ARID1B: variants seen among roughly 807,000 people sequenced by gnomAD.
ARID1B encodes AT-rich interaction domain 1B.
A neutral mutation model predicts 212.3 loss-of-function variants in ARID1B; 30 were observed. The observed-to-expected ratio is 0.14, with a 90% CI of 0.11 to 0.19. The LOEUF is 0.19. Among genes scored for constraint, ARID1B ranks in the 10% least tolerant of loss-of-function variants. The probability of loss-of-function intolerance (pLI) is 1.00; values close to 1 mark genes in which losing one functional copy is unlikely to be tolerated. For synonymous variants in ARID1B, 1,402 were observed against 1,301.7 expected (o/e 1.08, Z -1.66); for missense variants, 2,891 against 3,204.0 (o/e 0.90, Z 2.36).
At chr6:157,049,305 C>T (rs924601749) in intron 4 of ARID1B, among the ~76,000 whole-genome samples, 2 of 152,140 alleles carry the variant, frequency 1.3e-5, no homozygotes, top group African/African-American at 4.8e-5. Flanking sequence ...GGCCAGAGTG[C>T]TCCTCAAGTG....
rs2114972642 is a variant in ARID1B, at chr6:156,778,382, C to T, written c.702C>T (p.Gly234=). Residue 234 remains glycine, a synonymous_variant, in exon 1 of 20, where the codon GGC becomes GGT. Coordinates refer to ENST00000636930, the MANE Select transcript of ARID1B (RefSeq NM_001374828.1). The stretch of plus-strand genomic sequence containing the variant: ...CGGGCGGCGGCGCGCCTCAGCCCGG[C>T]CCCGACATGGAGCAGCCGCAACATG... The part of the protein sequence containing the change: ...GGAGGGAPQP[G]PDMEQPQHGG... The T allele has an allele frequency of 2.0e-6, 3 of 1,537,012 alleles. No individual in the cohort carries two copies. Among genetic ancestry groups the T allele is most frequent in the Non-Finnish European group, 2.6e-6 (3 of 1,145,804 alleles).
At chr6:157,162,733 C>A (rs547723713) in intron 8 of ARID1B, among the ~76,000 whole-genome samples, 2 of 152,326 alleles carry the variant, frequency 1.3e-5, no homozygotes, top group East Asian at 3.9e-4. Context: ...GGGAGCGGTG[C>A]TGTGGTCTAA....
chr6:157,020,524 G>GC lies in ARID1B; in HGVS notation c.2248-64136dup, dbSNP rs752697383. On this transcript the variant is annotated intron_variant, in intron 4 of 19. Coordinates refer to ENST00000636930, the MANE Select transcript of ARID1B (RefSeq NM_001374828.1). ...TAAGGGGTTGTGTTTGAATGCTTTA[G>GC]CCACTAGGCATGTGTTTTTCTTTCT... Among the ~76,000 whole-genome samples, 9 of 152,208 alleles carry GC rather than the reference G, an allele frequency of 5.9e-5. No individual in the cohort carries two copies. In the East Asian group the frequency reaches 1.7e-3, roughly 29 times the overall value.
chr6:157,075,714 A>T (rs757180161), intron 4 of ARID1B, among the ~76,000 whole-genome samples: 4 of 152,246 alleles, frequency 2.6e-5, no homozygotes, highest in Non-Finnish European at 5.9e-5. Context: ...CCTCCCCGCT[A>T]TGGTACGATA....
At chr6:156,806,361 G>C (rs968868170) in intron 1 of ARID1B, among the ~76,000 whole-genome samples, 14 of 152,182 alleles carry the variant, frequency 9.2e-5, no homozygotes, top group Non-Finnish European at 1.8e-4. Flanking sequence ...TCTACCTCTG[G>C]CTTTCAGAAC....
At chr6:156,896,832 T>G (rs1377891346) in intron 2 of ARID1B, among the ~76,000 whole-genome samples, 1 of 151,436 alleles carries the variant, frequency 6.6e-6, no homozygotes, top group Non-Finnish European at 1.5e-5. Flanking sequence ...TGAGCTGAGA[T>G]CGTGCCACTG....
chr6:156,808,205 T>A (rs1781314544), intron 1 of ARID1B, among the ~76,000 whole-genome samples: 1 of 152,196 alleles, frequency 6.6e-6, no homozygotes, highest in Admixed American at 6.5e-5. Context: ...ATCAGCTGGA[T>A]TTTATTTTAT....
At chr6:157,184,523 A>G (rs1227082141) in intron 13 of ARID1B, 88 bp downstream of exon 13, 2 of 1,483,406 alleles carry the variant, frequency 1.3e-6, no homozygotes, top group South Asian at 2.4e-5. Flanking sequence ...CAGTCAGGCC[A>G]ACAGGGAACT....
intron 4 of ARID1B, among the ~76,000 whole-genome samples, chr6:157,030,833 C>A (rs1780974716): frequency 6.6e-6 from 1 of 152,130 alleles, no homozygotes; most frequent in Non-Finnish European, 1.5e-5. Flanking sequence ...TTTATTGGGT[C>A]CCTGTATAGA....
At position 156,901,491 on chromosome 6, in the gene ARID1B, C is replaced by A; in HGVS notation, c.2102C>A (p.Pro701Gln). 3 of 1,613,872 alleles carry A rather than the reference C, an allele frequency of 1.9e-6. No individual in the cohort carries two copies. The highest frequency in any genetic ancestry group is 2.5e-6 in the Non-Finnish European group (3 of 1,179,978). ...PHLPPQAQYL[P>Q]SQSQQRYQPQ... ...CTCCCACCCCAGGCGCAGTATCTGCCGTCCCAGTCCCAGCAGAGGTACCAG... is the reference window on the plus strand; with the variant it reads ...CTCCCACCCCAGGCGCAGTATCTGCAGTCCCAGTCCCAGCAGAGGTACCAG... The change falls in exon 3 of 20, where the codon CCG becomes CAG. Residue 701 changes from proline to glutamine, a missense_variant. By Grantham distance (76) the Pro-to-Gln change is moderately conservative (BLOSUM62 -1). Transcript: ENST00000636930.
chr6:156,842,829 A>G (rs1783988672), intron 2 of ARID1B, among the ~76,000 whole-genome samples: 1 of 152,236 alleles, frequency 6.6e-6, no homozygotes, highest in Admixed American at 6.5e-5. Context: ...CGCCAAATCC[A>G]TGAGGTAAGT....
intron 2 of ARID1B, among the ~76,000 whole-genome samples, chr6:156,853,633 C>T (rs372325180): frequency 1.6e-4 from 25 of 152,294 alleles, no homozygotes; most frequent in African/African-American, 5.1e-4. Flanking sequence ...GCACAGTACT[C>T]TTTCCTATTT....
Position 156,841,917 on chromosome 6 carries a change from T to G in ARID1B, c.1986+12496T>G, listed in dbSNP as rs552165751. ...ACTCTGGGCGCACGCTAGCACTGTT[T>G]TATGATTCTGGTAAAGCTGGAATCC... On this transcript the variant is annotated intron_variant, in intron 2 of 19. Coordinates refer to ENST00000636930, the MANE Select transcript of ARID1B (RefSeq NM_001374828.1). Among the ~76,000 whole-genome samples the G allele has an allele frequency of 4.6e-5, 7 of 152,346 alleles. No homozygotes were observed. In the South Asian group the frequency reaches 1.0e-3, roughly 23 times the overall value.
chr6:156,786,946 C>CT (rs373597720), intron 1 of ARID1B, among the ~76,000 whole-genome samples: 32,046 of 128,810 alleles, frequency 0.25, 4,074 homozygotes, highest in Non-Finnish European at 0.29. Context: ...ATTTGGCCTG[C>CT]TTTTTTTTTT....
rs749943336 is a variant in ARID1B, at chr6:157,180,903, C to T, written c.3505-66C>T. The T allele has an allele frequency of 1.7e-5, 24 of 1,381,930 alleles. No homozygotes were observed. In the Admixed American group the frequency reaches 2.9e-4, roughly 17 times the overall value. 85.6% of individuals were successfully genotyped at this position (1,381,930 alleles called of 1,614,324 possible). A position where few individuals can be genotyped will look rare whatever the true frequency, so the allele number is the denominator to read the frequency against. Reference sequence around the variant, plus strand: ...GTATTTGTTAGCTCATTACTTTTTTCTCACCTTCTTCCCTCTCCCTCTGCC... The same window carrying T: ...GTATTTGTTAGCTCATTACTTTTTTTTCACCTTCTTCCCTCTCCCTCTGCC... On this transcript the variant is annotated intron_variant, in intron 11 of 19. Coordinates refer to ENST00000636930, the MANE Select transcript of ARID1B (RefSeq NM_001374828.1).
At chr6:156,967,341 G>A (rs1334770944) in intron 4 of ARID1B, among the ~76,000 whole-genome samples, 3 of 152,068 alleles carry the variant, frequency 2.0e-5, no homozygotes, top group African/African-American at 7.2e-5. Flanking sequence ...AAAATATTTA[G>A]CGATATTAAG....
At chr6:156,887,727 C>A (rs1034528032) in intron 2 of ARID1B, among the ~76,000 whole-genome samples, 1 of 151,732 alleles carries the variant, frequency 6.6e-6, no homozygotes, top group Non-Finnish European at 1.5e-5. Context: ...ACAATGCAAC[C>A]GCATAATCTC....
At chr6:156,975,613 C>CTTTTTTTTTTTTTTTTTTT (rs367797338) in intron 4 of ARID1B, among the ~76,000 whole-genome samples, 6 of 110,856 alleles carry the variant, frequency 5.4e-5, no homozygotes, top group African/African-American at 1.4e-4. Context: ...TTTTTTTTTT[C>CTTTTTTTTTTTTTTTTTTT]TTTTTTTTTT....
At chr6:156,833,016 C>CT (rs889962521) in intron 2 of ARID1B, among the ~76,000 whole-genome samples, 59 of 152,238 alleles carry the variant, frequency 3.9e-4, no homozygotes, top group African/African-American at 1.2e-3. Context: ...GCCCTAAAAA[C>CT]TAGTCTACTT....
Sources: allele counts gnomAD v4.1 joint callset (sites outside exome capture counted in the v4.1 genomes callset), GRCh38; gene constraint gnomAD v4.1.1; transcripts MANE v1.5; gene names NCBI Gene and HGNC (gene_info 2026-07-23, HGNC 2026-07-21).